Variants in ACTR3B observed in about 807,000 individuals in gnomAD.
ACTR3B encodes the protein actin related protein 3B.
A neutral mutation model predicts 59.0 loss-of-function variants in ACTR3B; 8 were observed. The ratio of observed to expected loss-of-function variants is 0.14; its 90% CI spans 0.08 to 0.24. The LOEUF (loss-of-function observed/expected upper bound fraction) is 0.24, where lower values mean the gene tolerates loss of function less well. Among genes scored for constraint, ACTR3B ranks in the 10% least tolerant of loss-of-function variants. ACTR3B has a pLI of 1.00. For synonymous variants in ACTR3B, 148 were observed against 197.9 expected (o/e 0.75, Z 2.12); for missense variants, 245 against 552.3 (o/e 0.44, Z 5.58).
chr7:152,805,453 A>C lies in ACTR3B; in HGVS notation c.336+3722A>C, dbSNP rs1253749410. 2.0e-5 allele frequency among the ~76,000 whole-genome samples: 3 copies of C among 152,226 alleles called. No homozygotes were observed. In the East Asian group the frequency reaches 5.8e-4, roughly 29 times the overall value. On this transcript the variant is annotated intron_variant, in intron 4 of 11. Coordinates refer to ENST00000256001, the MANE Select transcript of ACTR3B (RefSeq NM_020445.6). ...ACGTGTTGATAGTTGATGGAAAATT[A>C]ACTCTGATTACTAAAAATAAAACGT...
Position 152,823,370 on chromosome 7 carries a change from T to C in ACTR3B, c.713T>C (p.Ile238Thr). 1 of 1,614,214 alleles carries C rather than the reference T, an allele frequency of 6.2e-7. No individual in the cohort carries two copies. ...KEKYCYICPD[I>T]VKEFAKYDVD... ...AAATACTGTTACATTTGCCCCGATA[T>C]AGTCAAGGAATTTGCCAAGTATGAT... is the stretch of plus-strand genomic sequence containing the variant. Residue 238 changes from isoleucine to threonine, a missense_variant, in exon 8 of 12, where the codon ATA (isoleucine) becomes ACA (threonine). By Grantham distance (89) the Ile-to-Thr change is moderately conservative. Coordinates refer to ENST00000256001, the MANE Select transcript of ACTR3B (RefSeq NM_020445.6).
chr7:152,844,574 C>T (rs2116977131), intron 9 of ACTR3B, among the ~76,000 whole-genome samples: 1 of 151,776 alleles, frequency 6.6e-6, no homozygotes, highest in African/African-American at 2.4e-5. Flanking sequence ...GGTCATTTAC[C>T]ATTTCAAGAA....
At chr7:152,849,308 G>C (rs1166410205) in intron 9 of ACTR3B, among the ~76,000 whole-genome samples, 2 of 152,164 alleles carry the variant, frequency 1.3e-5, no homozygotes, top group Non-Finnish European at 2.9e-5. Flanking sequence ...AGAAGTGTGG[G>C]GCCGACACCA....
At chr7:152,815,468 G>C (rs28614040) in intron 5 of ACTR3B, among the ~76,000 whole-genome samples, 1 of 152,052 alleles carries the variant, frequency 6.6e-6, no homozygotes, top group Non-Finnish European at 1.5e-5. Flanking sequence ...GGTGGTTCTC[G>C]AAGTGGTCTG....
intron 1 of ACTR3B, among the ~76,000 whole-genome samples, chr7:152,781,043 T>C (rs1328255542): frequency 6.6e-6 from 1 of 151,914 alleles, no homozygotes. Flanking sequence ...TGGCAAATAG[T>C]GGGGCTGGGA....
At chr7:152,764,927 A>G (rs975652380) in intron 1 of ACTR3B, among the ~76,000 whole-genome samples, 9 of 152,180 alleles carry the variant, frequency 5.9e-5, no homozygotes, top group Admixed American at 2.0e-4. Context: ...TGTTGCTGTA[A>G]CAGAATACCA....
intron 1 of ACTR3B, among the ~76,000 whole-genome samples, chr7:152,767,269 G>A (rs544947139): frequency 6.6e-6 from 1 of 152,302 alleles, no homozygotes; most frequent in Admixed American, 6.5e-5. Flanking sequence ...AATGACTGGA[G>A]ATGCTGCCTT....
chr7:152,813,992 G>T (rs1196283869), intron 4 of ACTR3B: 1 of 59,756 alleles, frequency 1.7e-5, no homozygotes, highest in African/African-American at 4.3e-5. Context: ...GTAGGCTGGG[G>T]AGGTCCTGGG....
rs933406908 is a variant in ACTR3B, at chr7:152,824,579, C to G, written c.859-451C>G. Among the ~76,000 whole-genome samples, 2 of 152,174 alleles carry G rather than the reference C, an allele frequency of 1.3e-5. No individual in the cohort carries two copies. The highest frequency in any genetic ancestry group is 1.9e-4 in the East Asian group (1 of 5,198). On this transcript the variant is annotated intron_variant, in intron 8 of 11. Transcript: ENST00000256001. The surrounding 1 kb of genome is among the most constrained non-coding windows in gnomAD (Gnocchi z 4.2). ...CCCTTCTCATTAAACAAAACACTTC[C>G]CTGCATCTTCTAGACCAGGTTTAAT...
At chr7:152,763,530 TCTC>T (rs1475520007) in intron 1 of ACTR3B, among the ~76,000 whole-genome samples, 6 of 152,038 alleles carry the variant, frequency 3.9e-5, no homozygotes, top group South Asian at 2.1e-4. Context: ...TTCAGGGAAT[TCTC>T]CTGCTTCAGC....
intron 2 of ACTR3B, among the ~76,000 whole-genome samples, chr7:152,796,394 G>A (rs2098216707): frequency 6.7e-6 from 1 of 150,222 alleles, no homozygotes; most frequent in South Asian, 2.1e-4. Context: ...GTTCAGTTCC[G>A]CCAGTCACAA....
chr7:152,833,759 T>C lies in ACTR3B; in HGVS notation c.951+8637T>C, dbSNP rs183507064. Among the ~76,000 whole-genome samples, 6 of 152,316 alleles carry C rather than the reference T, an allele frequency of 3.9e-5. No individual in the cohort carries two copies. The East Asian group carries it at 1.2e-3, about 29-fold the overall frequency. ...AGATGAATGGGTTACGTGTGGCGTT[T>C]ATAATGGTATGTGCTGTGACATTCT... On this transcript the variant is annotated intron_variant, in intron 9 of 11. Coordinates refer to ENST00000256001, the MANE Select transcript of ACTR3B (RefSeq NM_020445.6).
intron 2 of ACTR3B, among the ~76,000 whole-genome samples, chr7:152,784,517 A>G (rs939078727): frequency 2.0e-5 from 3 of 152,156 alleles, no homozygotes; most frequent in Non-Finnish European, 2.9e-5. Flanking sequence ...GCTGCCATGA[A>G]TGGGTTATCC....
In ACTR3B at chr7:152,844,667, G is replaced by A. The variant is rs575460582; in HGVS notation, c.952-7459G>A. Among the ~76,000 whole-genome samples the A allele has an allele frequency of 1.4e-4, 21 of 150,980 alleles. No homozygotes were observed. The South Asian group carries it at 1.5e-3, about 11-fold the overall frequency. On this transcript the variant is annotated intron_variant, in intron 9 of 11. Transcript: ENST00000256001. ...GCTCTCAGTTTGGCTGGGTAAACTG[G>A]CCTTTTTGAAGTTTTCTGAGGATAA...
rs536668100 is a variant in ACTR3B at position 152,781,973 on chromosome 7, C to T, written c.45-1214C>T. Among the ~76,000 whole-genome samples the T allele has an allele frequency of 1.1e-3, 160 of 151,554 alleles. 1 individual carries two copies. The highest frequency in any genetic ancestry group is 5.8e-4 in the East Asian group (3 of 5,144). On this transcript the variant is annotated intron_variant, in intron 1 of 11. Coordinates refer to ENST00000256001, the MANE Select transcript of ACTR3B (RefSeq NM_020445.6). ...TGGCATTGCCCTGGCTCCTGTGGCA[C>T]GAAGACCTCAGGTCCTGTGGAAGTT...
At chr7:152,801,816 G>A (rs1326310645) in intron 4 of ACTR3B, 85 bp downstream of exon 4, 38 of 517,688 alleles carry the variant, frequency 7.3e-5, no homozygotes, top group Non-Finnish European at 1.2e-4. Context: ...TTTCTAGGGC[G>A]TTTTAAATTT....
intron 1 of ACTR3B, among the ~76,000 whole-genome samples, chr7:152,773,585 TA>T (rs911433860): frequency 8.0e-4 from 118 of 147,962 alleles, no homozygotes; most frequent in African/African-American, 2.8e-3. Context: ...ACTCTGTCTC[TA>T]AAAAAAAAGC....
At chr7:152,777,137 A>T (rs1485164774) in intron 1 of ACTR3B, among the ~76,000 whole-genome samples, 1 of 152,016 alleles carries the variant, frequency 6.6e-6, no homozygotes, top group Admixed American at 6.6e-5. Flanking sequence ...AGCTAATGTG[A>T]CCCTTTATAA....
chr7:152,766,863 T>G (rs567830209), intron 1 of ACTR3B, among the ~76,000 whole-genome samples: 1 of 152,286 alleles, frequency 6.6e-6, no homozygotes, highest in East Asian at 1.9e-4. Context: ...CTCCACTCAG[T>G]GCAACCTCCA....
Sources: allele counts gnomAD v4.1 joint callset (sites outside exome capture counted in the v4.1 genomes callset), GRCh38; gene constraint gnomAD v4.1.1; non-coding constraint Gnocchi (gnomAD v3.1); transcripts MANE v1.5; gene names NCBI Gene and HGNC (gene_info 2026-07-23, HGNC 2026-07-21).